ARHGEF28: variants seen among roughly 807,000 people sequenced by gnomAD.
ARHGEF28 encodes the protein 190 kDa guanine nucleotide exchange factor.
ARHGEF28 carries 152 observed loss-of-function variants against 206.6 expected under a neutral mutation model. The observed-to-expected ratio is 0.74, with a 90% CI of 0.64 to 0.84. The LOEUF is 0.84. Among genes scored for constraint, ARHGEF28 ranks in the 40% least tolerant of loss-of-function variants. The pLI is 0.00. For synonymous variants in ARHGEF28, 763 were observed against 776.4 expected (o/e 0.98, Z 0.29); for missense variants, 2,028 against 2,073.2 (o/e 0.98, Z 0.42).
At chr5:73,821,336 A>G (rs1011972527) in intron 9 of ARHGEF28, among the ~76,000 whole-genome samples, 6 of 152,178 alleles carry the variant, frequency 3.9e-5, no homozygotes, top group African/African-American at 1.4e-4. Context: ...ATACATTTCC[A>G]TGGAGAATTC....
chr5:73,772,067 T>G (rs1221744205), intron 4 of ARHGEF28, among the ~76,000 whole-genome samples: 2 of 152,230 alleles, frequency 1.3e-5, no homozygotes, highest in Non-Finnish European at 2.9e-5. Flanking sequence ...TTAAGTATAA[T>G]GCCTTACATT....
At chr5:73,764,857 T>G (rs1006725234) in intron 4 of ARHGEF28, among the ~76,000 whole-genome samples, 1 of 152,220 alleles carries the variant, frequency 6.6e-6, no homozygotes, top group Non-Finnish European at 1.5e-5. Context: ...GAGCTCTGAG[T>G]AGGCTGTGTA....
intron 4 of ARHGEF28, among the ~76,000 whole-genome samples, chr5:73,760,879 A>G (rs1752566659): frequency 6.6e-6 from 1 of 152,214 alleles, no homozygotes; most frequent in African/African-American, 2.4e-5. Flanking sequence ...AATAAGAAAC[A>G]GCAGCTTAAC....
Position 73,849,083 on chromosome 5 carries a change from T to C in ARHGEF28, c.1743T>C (p.Ser581=). Residue 581 remains serine, a synonymous_variant, in exon 13 of 36, where the codon AGT becomes AGC. Transcript: ENST00000513042. ...GTGAATTAACAGTATGCAGTTCAAG[T>C]GAAGGTAAGCATCATTTAACATTTG... ...LVRELTVCSS[S]EEQRAYSLSE... is the part of the protein sequence containing the mutation. 6.4e-7 allele frequency: 1 copy of C among 1,553,992 alleles called. No individual in the cohort carries two copies. Among genetic ancestry groups the C allele is most frequent in the African/African-American group, 1.4e-5 (1 of 73,554 alleles).
chr5:73,910,555 C>G (rs1215177571), intron 34 of ARHGEF28, among the ~76,000 whole-genome samples: 1 of 151,990 alleles, frequency 6.6e-6, no homozygotes, highest in Non-Finnish European at 1.5e-5. Flanking sequence ...TGCTCTTTTT[C>G]CAGTATTTGA....
intron 2 of ARHGEF28, among the ~76,000 whole-genome samples, chr5:73,713,939 T>A (rs1250010602): frequency 6.6e-6 from 1 of 152,162 alleles, no homozygotes; most frequent in African/African-American, 2.4e-5. Context: ...TAAACAGAAA[T>A]CATTAATTTA....
intron 9 of ARHGEF28, among the ~76,000 whole-genome samples, chr5:73,818,269 A>G (rs1756354049): frequency 6.6e-6 from 1 of 152,202 alleles, no homozygotes; most frequent in Non-Finnish European, 1.5e-5. Context: ...CAGGGCAGGT[A>G]CCTAATCTGA....
At chr5:73,785,134 G>A (rs1316239835) in intron 7 of ARHGEF28, among the ~76,000 whole-genome samples, 1 of 152,150 alleles carries the variant, frequency 6.6e-6, no homozygotes, top group Non-Finnish European at 1.5e-5. Context: ...CGAAGTCAAC[G>A]GCAGGTAATC....
intron 1 of ARHGEF28, among the ~76,000 whole-genome samples, chr5:73,641,074 A>C (rs555987548): frequency 6.6e-6 from 1 of 152,292 alleles, no homozygotes; most frequent in South Asian, 2.1e-4. Flanking sequence ...TCTGGTAGGA[A>C]TCCCTGGTTC....
chr5:73,864,879 G>T lies in ARHGEF28; in HGVS notation c.2103+7G>T, dbSNP rs768663119. On this transcript the variant is annotated splice_region_variant and intron_variant, in intron 17 of 35. Transcript: ENST00000513042. ...TGCGCCTGCATGCACCAAGGTAATT[G>T]CTCAGTGATCTGTGAATATATATGT... The T allele has an allele frequency of 1.9e-5, 30 of 1,612,562 alleles. No homozygotes were observed. Among genetic ancestry groups the T allele is most frequent in the East Asian group, 4.5e-5 (2 of 44,842 alleles).
intron 10 of ARHGEF28, among the ~76,000 whole-genome samples, chr5:73,838,482 G>T (rs541464796): frequency 6.6e-6 from 1 of 152,256 alleles, no homozygotes; most frequent in East Asian, 1.9e-4. Context: ...AAATTCACAT[G>T]ATGAAAGTTA....
chr5:73,797,676 A>G (rs550965228), intron 9 of ARHGEF28, among the ~76,000 whole-genome samples: 20 of 152,260 alleles, frequency 1.3e-4, no homozygotes, highest in African/African-American at 4.6e-4. Flanking sequence ...GAGGCACCAC[A>G]TCTGGCCTCT....
intron 1 of ARHGEF28, among the ~76,000 whole-genome samples, chr5:73,659,152 C>CAAGAT (rs1745426394): frequency 6.6e-6 from 1 of 152,072 alleles, no homozygotes; most frequent in African/African-American, 2.4e-5. Context: ...TAGGAAAGAT[C>CAAGAT]AAGATTTTAA....
intron 35 of ARHGEF28, among the ~76,000 whole-genome samples, chr5:73,940,122 G>A (rs1742504414): frequency 1.3e-5 from 2 of 152,300 alleles, no homozygotes; most frequent in South Asian, 4.1e-4. Flanking sequence ...ATGGTTTGCA[G>A]CAAGTGTCTT....
chr5:73,735,447 A>G (rs560536755), intron 2 of ARHGEF28, among the ~76,000 whole-genome samples: 49 of 152,140 alleles, frequency 3.2e-4, no homozygotes, highest in African/African-American at 1.0e-3. Context: ...TACACTTTTC[A>G]CTAGAGCTTC....
intron 35 of ARHGEF28, among the ~76,000 whole-genome samples, chr5:73,930,062 G>A (rs897239428): frequency 1.2e-4 from 19 of 152,114 alleles, no homozygotes; most frequent in South Asian, 2.1e-4. Flanking sequence ...CCTATTAGAA[G>A]TGGAGAGCAG....
At chr5:73,640,634 A>G (rs934321502) in intron 1 of ARHGEF28, among the ~76,000 whole-genome samples, 2 of 152,196 alleles carry the variant, frequency 1.3e-5, no homozygotes, top group South Asian at 2.1e-4. Flanking sequence ...TCTCAAAATT[A>G]AACTTGAGGA....
chr5:73,795,142 A>G (rs1305432323), intron 8 of ARHGEF28, among the ~76,000 whole-genome samples, 189 bp from the exon 9 acceptor site: 1 of 152,230 alleles, frequency 6.6e-6, no homozygotes, highest in Non-Finnish European at 1.5e-5. Flanking sequence ...AGCTTGGGAT[A>G]GATTCATTAC....
At chr5:73,690,557 G>A (rs1322554637) in intron 2 of ARHGEF28, among the ~76,000 whole-genome samples, 3 of 140,188 alleles carry the variant, frequency 2.1e-5, no homozygotes, top group East Asian at 4.1e-4. Context: ...AAAAAGCCAC[G>A]TGTGGTGGCT....
Sources: gnomAD v4.1 joint callset for allele counts (sites outside exome capture counted in the v4.1 genomes callset) on GRCh38, gnomAD v4.1.1 for gene constraint, MANE v1.5 for transcripts, NCBI Gene and HGNC (gene_info 2026-07-23, HGNC 2026-07-21) for gene names.